Variants in ZNF148 observed in about 807,000 individuals in gnomAD.
ZNF148 encodes zinc finger protein 148, also known as Beta-Enolase Repressor Factor-1.
ZNF148 carries 7 observed loss-of-function variants against 67.7 expected under a neutral mutation model. The observed-to-expected ratio is 0.10, with a 90% CI of 0.06 to 0.19. The LOEUF (loss-of-function observed/expected upper bound fraction) is 0.19, where lower values mean the gene tolerates loss of function less well. Among genes scored for constraint, ZNF148 ranks in the 10% least tolerant of loss-of-function variants. The pLI, the probability that ZNF148 is intolerant of heterozygous loss-of-function variation, is 1.00. For missense variants in ZNF148, 583 were observed against 947.1 expected (o/e 0.62, Z 5.05); for synonymous variants, 333 against 330.7 (o/e 1.01, Z -0.08).
At chr3:125,256,528 T>C (rs997651329) in intron 7 of ZNF148, among the ~76,000 whole-genome samples, 1 of 151,134 alleles carries the variant, frequency 6.6e-6, no homozygotes, top group Non-Finnish European at 1.5e-5. Flanking sequence ...ATACAAAAAT[T>C]AGCCAGCCAT....
chr3:125,297,695 T>C (rs531946257), intron 4 of ZNF148, among the ~76,000 whole-genome samples: 5 of 145,864 alleles, frequency 3.4e-5, no homozygotes, highest in South Asian at 4.1e-4. Context: ...TTAAGTCATA[T>C]TGCAATTCCA....
Position 125,317,662 on chromosome 3 carries a change from T to TATATATATAGAGAG in ZNF148, c.-16-4007_-16-4006insCTCTCTATATATAT, listed in dbSNP as rs752542874. On this transcript the variant is annotated intron_variant, in intron 3 of 8. Coordinates refer to ENST00000360647, the MANE Select transcript of ZNF148 (RefSeq NM_021964.3). ...GATCTTTTATATATATATATATATA[T>TATATATATAGAGAG]AGAGAGAGAGAGAGAGAAATACATA... Among the ~76,000 whole-genome samples, 514 of 90,018 alleles carry TATATATATAGAGAG rather than the reference T, an allele frequency of 5.7e-3. 5 individuals are homozygous for TATATATATAGAGAG. Among genetic ancestry groups the TATATATATAGAGAG allele is most frequent in the Middle Eastern group, 0.016 (2 of 122 alleles). 59.1% of individuals were successfully genotyped at this position (90,018 alleles called of 152,430 possible).
intron 4 of ZNF148, among the ~76,000 whole-genome samples, chr3:125,294,460 C>T (rs764307055): frequency 5.9e-5 from 9 of 152,182 alleles, no homozygotes; most frequent in Non-Finnish European, 1.2e-4. Context: ...CATGCAAACT[C>T]TACTATTTCT....
chr3:125,273,175 T>TTC (rs1937849286), intron 7 of ZNF148, among the ~76,000 whole-genome samples: 1 of 152,200 alleles, frequency 6.6e-6, no homozygotes, highest in South Asian at 2.1e-4. Context: ...TAAATCAACA[T>TTC]TCTCTCTAAC....
At chr3:125,279,002 A>C (rs1226521941) in intron 6 of ZNF148, 122 bp downstream of exon 6, 1 of 1,094,884 alleles carries the variant, frequency 9.1e-7, no homozygotes, top group Non-Finnish European at 1.2e-6. Flanking sequence ...TGGCCTACAA[A>C]ATCTCTGATT....
chr3:125,342,230 T>C (rs1485331954), intron 1 of ZNF148, among the ~76,000 whole-genome samples: 1 of 151,636 alleles, frequency 6.6e-6, no homozygotes, highest in Non-Finnish European at 1.5e-5. Context: ...AACTGAAACG[T>C]ACTCAAATTT....
rs200265668 is a variant in ZNF148 at position 125,288,160 on chromosome 3, G to C, written c.402C>G (p.Ile134Met). The change falls in exon 5 of 9, where the codon ATC becomes ATG. Residue 134 changes from isoleucine to methionine, a missense_variant. By Grantham distance (10) the Ile-to-Met change is conservative (BLOSUM62 1). Transcript: ENST00000360647. ...SEQLMRDKKQ[I>M]REPVDLQKKK... The stretch of plus-strand genomic sequence containing the variant: ...TTTTCTGTAAGTCTACTGGCTCTCT[G>C]ATTTGTTTTTTGTCTCTCATCAGTT... The C allele has an allele frequency of 6.2e-7, 1 of 1,613,754 alleles. No homozygotes were observed. Among genetic ancestry groups the C allele is most frequent in the Non-Finnish European group, 8.5e-7 (1 of 1,179,870 alleles).
chr3:125,366,009 C>A (rs1942691350), intron 1 of ZNF148, among the ~76,000 whole-genome samples: 1 of 152,152 alleles, frequency 6.6e-6, no homozygotes, highest in South Asian at 2.1e-4. Context: ...CACATACAAT[C>A]TTACTCTACC....
intron 3 of ZNF148, among the ~76,000 whole-genome samples, chr3:125,315,646 G>A (rs982107045): frequency 1.3e-5 from 2 of 149,708 alleles, no homozygotes; most frequent in Non-Finnish European, 3.0e-5. Context: ...GAGGGGAAGG[G>A]TGCAGTGAGC....
intron 2 of ZNF148, among the ~76,000 whole-genome samples, 184 bp from the exon 3 acceptor site, chr3:125,323,628 T>A (rs1262697447): frequency 6.6e-6 from 1 of 152,144 alleles, no homozygotes; most frequent in African/African-American, 2.4e-5. Context: ...ACAATAGTGG[T>A]AAGTAGACAG....
At chr3:125,248,622 G>A (rs1408223456) in intron 7 of ZNF148, among the ~76,000 whole-genome samples, 3 of 152,124 alleles carry the variant, frequency 2.0e-5, no homozygotes, top group Non-Finnish European at 4.4e-5. Context: ...CCCATACGAT[G>A]TCACTATTAT....
At chr3:125,246,218 A>C (rs191779756) in intron 7 of ZNF148, among the ~76,000 whole-genome samples, 94 of 152,352 alleles carry the variant, frequency 6.2e-4, no homozygotes, top group African/African-American at 2.2e-3. Flanking sequence ...TGGGTGAAAA[A>C]TAATGATGAG....
intron 1 of ZNF148, among the ~76,000 whole-genome samples, chr3:125,350,319 C>A (rs1249603671): frequency 6.9e-6 from 1 of 144,084 alleles, no homozygotes; most frequent in African/African-American, 3.0e-5. Context: ...TGTCACCAGG[C>A]CCATCTAATT....
intron 5 of ZNF148, among the ~76,000 whole-genome samples, chr3:125,283,282 G>A (rs2107616052): frequency 6.6e-6 from 1 of 152,056 alleles, no homozygotes; most frequent in East Asian, 1.9e-4. Context: ...ATTTTTTATT[G>A]TTTCTCAGTA....
chr3:125,358,106 G>C (rs1287383419), intron 1 of ZNF148, among the ~76,000 whole-genome samples: 1 of 152,166 alleles, frequency 6.6e-6, no homozygotes, highest in African/African-American at 2.4e-5. Context: ...GAAGTCAGGA[G>C]TTCAAGACCA....
chr3:125,313,181 TTAGTA>T, intron 4 of ZNF148, 122 bp downstream of exon 4: 1 of 620,956 alleles, frequency 1.6e-6, no homozygotes. Context: ...TGTCAATATT[TTAGTA>T]TATCTATTCA....
intron 7 of ZNF148, among the ~76,000 whole-genome samples, chr3:125,273,595 G>A (rs1937878629): frequency 6.6e-6 from 1 of 150,830 alleles, no homozygotes; most frequent in Non-Finnish European, 1.5e-5. Flanking sequence ...CCAGGTTCAG[G>A]CGATTCTCCT....
intron 7 of ZNF148, among the ~76,000 whole-genome samples, chr3:125,263,367 A>G (rs1937426170): frequency 6.6e-6 from 1 of 152,184 alleles, no homozygotes; most frequent in Non-Finnish European, 1.5e-5. Flanking sequence ...CCTGGCCAAC[A>G]TGGTGGAACC....
At chr3:125,302,468 C>T (rs1939646203) in intron 4 of ZNF148, among the ~76,000 whole-genome samples, 2 of 152,044 alleles carry the variant, frequency 1.3e-5, no homozygotes, top group Non-Finnish European at 2.9e-5. Flanking sequence ...CAACAGGAAC[C>T]CATAAGTAAG....
Sources: gnomAD v4.1 joint callset for allele counts (sites outside exome capture counted in the v4.1 genomes callset) on GRCh38, gnomAD v4.1.1 for gene constraint, MANE v1.5 for transcripts, NCBI Gene and HGNC (gene_info 2026-07-23, HGNC 2026-07-21) for gene names.